Variants in SEL1L3 observed in about 807,000 individuals in gnomAD.
The protein encoded by SEL1L3 is protein sel-1 homolog 3.
In SEL1L3, 76 loss-of-function variants were observed where a neutral mutation model predicts 142.8. The observed-to-expected ratio is 0.53, with a 90% CI of 0.44 to 0.64. The LOEUF is 0.64. Among genes scored for constraint, SEL1L3 ranks in the 30% least tolerant of loss-of-function variants. The pLI, the probability that SEL1L3 is intolerant of heterozygous loss-of-function variation, is 0.00. For missense variants in SEL1L3, 1,262 were observed against 1,381.7 expected, an observed-to-expected ratio of 0.91 and a Z score of 1.37; for synonymous variants, 504 against 519.6, an observed-to-expected ratio of 0.97 and a Z score of 0.41.
At chr4:25,816,701 G>A (rs1044362475) in intron 9 of SEL1L3, among the ~76,000 whole-genome samples, 4 of 152,068 alleles carry the variant, frequency 2.6e-5, no homozygotes, top group African/African-American at 4.8e-5. Flanking sequence ...CACCTGAAAG[G>A]TAAAGCCCAA....
chr4:25,852,018 G>A (rs1716938981), intron 1 of SEL1L3, among the ~76,000 whole-genome samples: 2 of 152,012 alleles, frequency 1.3e-5, no homozygotes, highest in South Asian at 4.2e-4. Context: ...TATAAAGAAG[G>A]GGGTACAATG....
chr4:25,746,515 T>TATATATATATATATATATATTTAA (rs535369928), downstream of SEL1L3, among the ~76,000 whole-genome samples: 19 of 70,794 alleles, frequency 2.7e-4, 1 homozygote, highest in African/African-American at 7.5e-4. Flanking sequence ...TAAATATATA[T>TATATATATATATATATATATTTAA]ATATATATAT....
downstream of SEL1L3, among the ~76,000 whole-genome samples, chr4:25,746,835 C>T (rs1315505862): frequency 6.6e-6 from 1 of 151,906 alleles, no homozygotes; most frequent in Middle Eastern, 3.2e-3. Context: ...TACCCTGTCT[C>T]AAGTATTTCG....
At chr4:25,741,851 C>G in the SEL1L3 span, among the ~76,000 whole-genome samples, 15 of 151,336 alleles carry the variant, frequency 9.9e-5, no homozygotes, top group South Asian at 6.2e-4. Context: ...AGATATTGCC[C>G]AGGCTCAATT....
chr4:25,817,973 G>A (rs1057240270), intron 9 of SEL1L3, among the ~76,000 whole-genome samples, 165 bp downstream of exon 9: 1 of 152,116 alleles, frequency 6.6e-6, no homozygotes, highest in African/African-American at 2.4e-5. Flanking sequence ...CAGATATATC[G>A]AGAGTTGTGG....
chr4:25,856,586 T>C (rs1349782235), intron 1 of SEL1L3, among the ~76,000 whole-genome samples: 1 of 144,050 alleles, frequency 6.9e-6, no homozygotes, highest in Non-Finnish European at 1.5e-5. Context: ...TGTGCATGTA[T>C]TGTAATTAAA....
chr4:25,812,752 C>T (rs1040520709), intron 9 of SEL1L3, among the ~76,000 whole-genome samples: 4 of 149,970 alleles, frequency 2.7e-5, no homozygotes, highest in Non-Finnish European at 5.9e-5. Flanking sequence ...GTGGCTCATG[C>T]CTATAATCCC....
intron 20 of SEL1L3, 47 bp downstream of exon 20, chr4:25,765,279 C>A: frequency 7.7e-7 from 1 of 1,302,114 alleles, no homozygotes; most frequent in Non-Finnish European, 1.1e-6. Flanking sequence ...CAGGCATGAG[C>A]CACCGTGCCC....
At chr4:25,768,115 T>C (rs1417540841) in intron 17 of SEL1L3, among the ~76,000 whole-genome samples, 1 of 152,354 alleles carries the variant, frequency 6.6e-6, no homozygotes, top group East Asian at 1.9e-4. Context: ...AGTTGTCTAC[T>C]AGCCTTCAGT....
chr4:25,783,882 G>A (rs1711590017), intron 14 of SEL1L3, among the ~76,000 whole-genome samples: 1 of 152,176 alleles, frequency 6.6e-6, no homozygotes, highest in East Asian at 1.9e-4. Context: ...GAATTCAATG[G>A]CATTAATACC....
At chr4:25,762,289 T>A (rs2109129264) in intron 20 of SEL1L3, among the ~76,000 whole-genome samples, 1 of 152,332 alleles carries the variant, frequency 6.6e-6, no homozygotes, top group African/African-American at 2.4e-5. Flanking sequence ...TAATACTATT[T>A]CTCAGATTAT....
chr4:25,767,130 T>TA lies in SEL1L3; in HGVS notation c.2845+394dup, dbSNP rs915446651. Among the ~76,000 whole-genome samples, 9 of 151,784 alleles carry TA rather than the reference T, an allele frequency of 5.9e-5. 1 individual carries two copies. Among genetic ancestry groups the TA allele is most frequent in the Non-Finnish European group, 1.3e-4 (9 of 67,944 alleles). ...AACATGGTGAAACCCTATGTCTACT[T>TA]AAAAAATACAAAAATTAGCTGGGCG... is the stretch of plus-strand genomic sequence containing the variant. On this transcript the variant is annotated intron_variant, in intron 19 of 23. Transcript: ENST00000399878.
intron 1 of SEL1L3, among the ~76,000 whole-genome samples, chr4:25,861,156 G>A (rs1161095532): frequency 6.6e-6 from 1 of 152,204 alleles, no homozygotes; most frequent in African/African-American, 2.4e-5. Flanking sequence ...GTAGCCAGCA[G>A]GGCCCTGTGT....
chr4:25,855,530 TG>T (rs1717197262), intron 1 of SEL1L3, among the ~76,000 whole-genome samples: 1 of 151,450 alleles, frequency 6.6e-6, no homozygotes, highest in Admixed American at 6.6e-5. Context: ...CCGAGGCGGG[TG>T]GATCACCTGA....
intron 2 of SEL1L3, 91 bp downstream of exon 2, chr4:25,847,203 G>T: frequency 2.8e-6 from 3 of 1,062,726 alleles, no homozygotes; most frequent in Admixed American, 4.9e-5. Flanking sequence ...ATCCCCCTTC[G>T]CTAATAGAAG....
chr4:25,794,918 A>C (rs1224654728), intron 11 of SEL1L3, among the ~76,000 whole-genome samples: 1 of 152,140 alleles, frequency 6.6e-6, no homozygotes, highest in African/African-American at 2.4e-5. Flanking sequence ...ACATGGATGG[A>C]GTTGGAAGCC....
chr4:25,803,381 G>A (rs554268369), intron 10 of SEL1L3, among the ~76,000 whole-genome samples: 1 of 152,312 alleles, frequency 6.6e-6, no homozygotes, highest in Non-Finnish European at 1.5e-5. Context: ...GCAAATAACT[G>A]GAAGGGAACA....
In SEL1L3 at chr4:25,757,567, C is replaced by A. The variant is rs772475814; in HGVS notation, c.3226G>T (p.Ala1076Ser). ...GACTGGAAATACTGCACAGTCCAGGCGATCAATATGGATAGCAGAAAGGTT... is the reference window on the plus strand; with the variant it reads ...GACTGGAAATACTGCACAGTCCAGGAGATCAATATGGATAGCAGAAAGGTT... ...LGTFLLSILIAWTVQYFQSVS... is the reference protein window; with the variant it reads ...LGTFLLSILISWTVQYFQSVS... Residue 1076 changes from alanine (A) to serine (S), a missense_variant, in exon 23 of 24, where the codon GCC (alanine) becomes TCC (serine). Ala to Ser is a moderately conservative substitution (Grantham distance 99, BLOSUM62 1). Around this residue, in one of 3 missense-constraint regions of SEL1L3, gnomAD observed 138 missense variants for 129.7 expected, o/e 1.06. Transcript: ENST00000399878. The A allele has an allele frequency of 6.4e-7, 1 of 1,550,400 alleles. No individual in the cohort carries two copies. Among genetic ancestry groups the A allele is most frequent in the Non-Finnish European group, 8.7e-7 (1 of 1,147,066 alleles).
At chr4:25,727,198 C>G in the SEL1L3 span, among the ~76,000 whole-genome samples, 113,144 of 151,172 alleles carry the variant, frequency 0.75, 42,571 homozygotes, top group African/African-American at 0.82. Context: ...GACTACAGGC[C>G]TGTGCCACTA....
Sources: gnomAD v4.1 joint callset for allele counts (sites outside exome capture counted in the v4.1 genomes callset) on GRCh38, gnomAD v4.1.1 for gene constraint, gnomAD v4.1.1 regional missense constraint, MANE v1.5 for transcripts, NCBI Gene and HGNC (gene_info 2026-07-23, HGNC 2026-07-21) for gene names.